Variants in CPEB1 observed in about 807,000 individuals in gnomAD.
The protein encoded by CPEB1 is cytoplasmic polyadenylation element binding protein 1, also known as cytoplasmic polyadenylation element-binding protein 1.
Under a neutral mutation model 65.8 loss-of-function variants are expected in CPEB1, and 7 were observed. The ratio of observed to expected loss-of-function variants is 0.11; its 90% CI spans 0.06 to 0.20. The LOEUF is 0.20. Ranked by LOEUF, CPEB1 falls within the 10% of genes least tolerant of loss-of-function variation. CPEB1 has a pLI of 1.00. For missense variants in CPEB1, 551 were observed against 712.2 expected (o/e 0.77, Z 2.58); for synonymous variants, 262 against 260.0 (o/e 1.01, Z -0.08).
intron 3 of CPEB1, among the ~76,000 whole-genome samples, chr15:82,577,319 A>T (rs936005804): frequency 1.3e-5 from 2 of 152,152 alleles, no homozygotes; most frequent in African/African-American, 4.8e-5. Flanking sequence ...CCAGGCTCTC[A>T]AAGTGCTGGG....
intron 3 of CPEB1, among the ~76,000 whole-genome samples, chr15:82,623,742 T>G (rs2045517015): frequency 6.6e-6 from 1 of 152,204 alleles, no homozygotes; most frequent in African/African-American, 2.4e-5. Context: ...TTTATATCAT[T>G]CCAGTGTTTT....
At position 82,555,999 on chromosome 15, in the gene CPEB1, T is replaced by C; in HGVS notation, c.811A>G (p.Thr271Ala). 1 of 1,612,256 alleles carries C rather than the reference T, an allele frequency of 6.2e-7. No homozygotes were observed. The highest frequency in any genetic ancestry group is 1.7e-5 in the Admixed American group (1 of 59,820). Residue 271 changes from threonine (T) to alanine (A), a missense_variant, in exon 6 of 13, where the codon ACT becomes GCT. Physicochemically the swap from Thr to Ala is moderately conservative, Grantham distance 58. Transcript: ENST00000684509. ...TTTGAAGCACTGGTTGGGGAGGGAG[T>C]GACTGCAGCAAGAGCAGCTTGCTCT... ...DQEQAALAAV[T>A]PSPTSASKRW...
At chr15:82,629,497 TTGGTATTC>T in intron 1 of CPEB1, 1 of 985,344 alleles carries the variant, frequency 1.0e-6, no homozygotes, top group Non-Finnish European at 1.2e-6. Context: ...AACTATTCTT[TTGGTATTC>T]CCTATCTCGG....
intron 3 of CPEB1, among the ~76,000 whole-genome samples, chr15:82,621,620 GA>G (rs35287218): frequency 0.023 from 3,021 of 130,376 alleles, 73 homozygotes; most frequent in African/African-American, 0.068. Flanking sequence ...CTCCATCTCA[GA>G]AAAAAAAAAA....
At chr15:82,583,913 T>TA (rs1208652967) in intron 3 of CPEB1, among the ~76,000 whole-genome samples, 6 of 152,226 alleles carry the variant, frequency 3.9e-5, no homozygotes, top group African/African-American at 1.2e-4. Flanking sequence ...ATCCTATTGA[T>TA]ACCAAATTAT....
At chr15:82,638,653 GT>G (rs1158734190) in intron 1 of CPEB1, 2 of 152,082 alleles carry the variant, frequency 1.3e-5, no homozygotes, top group African/African-American at 4.8e-5. Flanking sequence ...GAAAAAAAAG[GT>G]TTTCAAAGGA....
intron 3 of CPEB1, among the ~76,000 whole-genome samples, chr15:82,585,828 T>C (rs750295518): frequency 6.6e-6 from 1 of 152,222 alleles, no homozygotes; most frequent in Non-Finnish European, 1.5e-5. Context: ...CCATTTCCTA[T>C]GCATTTGTGA....
In CPEB1 at chr15:82,626,598, T is replaced by C. The variant is rs1394070021; in HGVS notation, c.271+595A>G. On this transcript the variant is annotated intron_variant, in intron 3 of 12. Transcript: ENST00000684509. Reference sequence around the variant, plus strand: ...GTCAACTTCAGGGGATGCTGCCCTCTATCTCCACTATTCCTTGGAGTATCC... The same window carrying C: ...GTCAACTTCAGGGGATGCTGCCCTCCATCTCCACTATTCCTTGGAGTATCC... Among the ~76,000 whole-genome samples, 5 of 152,232 alleles carry C rather than the reference T, an allele frequency of 3.3e-5. No homozygotes were observed. The East Asian group carries it at 9.6e-4, about 29-fold the overall frequency.
At chr15:82,608,587 T>G (rs1012001652) in intron 3 of CPEB1, among the ~76,000 whole-genome samples, 1 of 152,222 alleles carries the variant, frequency 6.6e-6, no homozygotes, top group Non-Finnish European at 1.5e-5. Flanking sequence ...TTCAGCTATC[T>G]TGTTTTTAGT....
chr15:82,550,061 T>C (rs2035974978), intron 9 of CPEB1, among the ~76,000 whole-genome samples: 1 of 152,058 alleles, frequency 6.6e-6, no homozygotes, highest in Non-Finnish European at 1.5e-5. Flanking sequence ...CACAGAGAAA[T>C]TAAAGGCTAG....
chr15:82,584,479 A>T (rs1386156214), intron 3 of CPEB1, among the ~76,000 whole-genome samples: 2 of 151,802 alleles, frequency 1.3e-5, no homozygotes, highest in Admixed American at 6.6e-5. Context: ...GGAGTTCAAG[A>T]CCAGCCTGGC....
chr15:82,643,083 T>C (rs140258919), intron 1 of CPEB1, among the ~76,000 whole-genome samples: 2 of 152,270 alleles, frequency 1.3e-5, no homozygotes, highest in East Asian at 3.9e-4. Flanking sequence ...AGAGCTACTT[T>C]AGTCACCTCA....
chr15:82,546,205 G>A (rs2035177412), intron 12 of CPEB1, among the ~76,000 whole-genome samples: 2 of 152,182 alleles, frequency 1.3e-5, no homozygotes, highest in Admixed American at 1.3e-4. Flanking sequence ...CGCCTCCTGG[G>A]TTCAAGCTAT....
chr15:82,629,346 C>G, intron 1 of CPEB1: 1 of 985,034 alleles, frequency 1.0e-6, no homozygotes, highest in South Asian at 4.7e-5. Context: ...ACCACCCAAA[C>G]TGATTAAGTT....
chr15:82,577,056 T>C (rs1475370308), intron 3 of CPEB1, among the ~76,000 whole-genome samples: 3 of 152,194 alleles, frequency 2.0e-5, no homozygotes, highest in African/African-American at 4.8e-5. Context: ...TGAGGCATTA[T>C]AGTAGAAATT....
At chr15:82,547,549 C>T (rs1428886882) in intron 10 of CPEB1, among the ~76,000 whole-genome samples, 1 of 152,150 alleles carries the variant, frequency 6.6e-6, no homozygotes, top group Non-Finnish European at 1.5e-5. Context: ...CCGCCTCAGC[C>T]TCCCAAAGTG....
chr15:82,613,532 C>T (rs890907229), intron 3 of CPEB1, among the ~76,000 whole-genome samples: 1 of 152,046 alleles, frequency 6.6e-6, no homozygotes, highest in South Asian at 2.1e-4. Flanking sequence ...ACTACAGGTA[C>T]GTGCCACCAC....
At chr15:82,553,698 A>G (rs1433169193) in intron 7 of CPEB1, 142 bp from the exon 8 acceptor site, 3 of 771,740 alleles carry the variant, frequency 3.9e-6, no homozygotes, top group African/African-American at 3.5e-5. Context: ...TCTCCGGTGT[A>G]AGCTCCCGAC....
chr15:82,602,022 A>G (rs2043162596), intron 3 of CPEB1, among the ~76,000 whole-genome samples: 1 of 152,222 alleles, frequency 6.6e-6, no homozygotes, highest in Non-Finnish European at 1.5e-5. Flanking sequence ...TAACAGACAT[A>G]AACAGAACAC....
Sources: allele counts gnomAD v4.1 joint callset (sites outside exome capture counted in the v4.1 genomes callset), GRCh38; gene constraint gnomAD v4.1.1; transcripts MANE v1.5; gene names NCBI Gene and HGNC (gene_info 2026-07-23, HGNC 2026-07-21).